ZDHHC14: variants seen among roughly 807,000 people sequenced by gnomAD.
ZDHHC14 encodes palmitoyltransferase ZDHHC14.
ZDHHC14 carries 16 observed loss-of-function variants against 47.7 expected under a neutral mutation model. The observed-to-expected ratio is 0.34, with a 90% CI of 0.23 to 0.51. The LOEUF (loss-of-function observed/expected upper bound fraction) is 0.51. ZDHHC14 is among the 20% of genes least tolerant of loss of function. The pLI is 0.97. For missense variants in ZDHHC14, 515 were observed against 662.5 expected (o/e 0.78, Z 2.44); for synonymous variants, 293 against 278.9 (o/e 1.05, Z -0.50).
At chr6:157,424,775 A>G (rs1266955646) in intron 1 of ZDHHC14, among the ~76,000 whole-genome samples, 1 of 152,056 alleles carries the variant, frequency 6.6e-6, no homozygotes, top group East Asian at 1.9e-4. Context: ...CCCCTATCCA[A>G]TCAATCACAA....
intron 4 of ZDHHC14, chr6:157,628,721 G>C: frequency 1.9e-6 from 1 of 516,432 alleles, no homozygotes; most frequent in Non-Finnish European, 3.4e-6. Flanking sequence ...CTTTCCAGGG[G>C]TCGCACCTAG....
chr6:157,493,698 G>T (rs1356865903), intron 1 of ZDHHC14, among the ~76,000 whole-genome samples: 2 of 152,254 alleles, frequency 1.3e-5, no homozygotes, highest in Non-Finnish European at 2.9e-5. Flanking sequence ...TGTCCTGAGG[G>T]TCTCAGGCAT....
intron 8 of ZDHHC14, 55 bp from the exon 9 acceptor site, chr6:157,672,669 C>T (rs992036653): frequency 1.3e-6 from 2 of 1,551,826 alleles, no homozygotes; most frequent in Non-Finnish European, 1.8e-6. Context: ...CTGTCCCTCC[C>T]CACCTCTGCC....
chr6:157,632,964 T>C (rs1273447669), intron 5 of ZDHHC14, 82 bp downstream of exon 5: 5 of 1,433,868 alleles, frequency 3.5e-6, no homozygotes, highest in Non-Finnish European at 4.9e-6. Context: ...CCTCCTCATC[T>C]TCTGCCCCGG....
intron 1 of ZDHHC14, among the ~76,000 whole-genome samples, chr6:157,413,504 A>G (rs2114760531): frequency 6.6e-6 from 1 of 152,034 alleles, no homozygotes; most frequent in Admixed American, 6.6e-5. Flanking sequence ...TTTTAAAATT[A>G]CCTGAAATAG....
At chr6:157,545,638 C>A (rs962446019) in intron 2 of ZDHHC14, among the ~76,000 whole-genome samples, 3 of 151,584 alleles carry the variant, frequency 2.0e-5, no homozygotes. Flanking sequence ...CACGCCACTG[C>A]ACACCAGCCT....
chr6:157,565,237 C>T (rs1024380583), intron 2 of ZDHHC14, among the ~76,000 whole-genome samples: 3 of 151,904 alleles, frequency 2.0e-5, no homozygotes, highest in Non-Finnish European at 4.4e-5. Context: ...AAGAGTGAGA[C>T]CTTATCTCCA....
In ZDHHC14 at chr6:157,626,896, G is replaced by GC. The variant is rs1236922487; in HGVS notation, c.566-1453_566-1452insC. Among the ~76,000 whole-genome samples the GC allele has an allele frequency of 2.0e-5, 3 of 149,992 alleles. No homozygotes were observed. The East Asian group carries it at 6.2e-4, about 31-fold the overall frequency. On this transcript the variant is annotated intron_variant, in intron 3 of 8. Transcript: ENST00000359775. ...CAGGGTTTGCTTTTCCAGCTGGGGG[G>GC]GGGGCGGCGGGGGCAGCAACACATG...
At chr6:157,580,609 A>G (rs1424807947) in intron 2 of ZDHHC14, among the ~76,000 whole-genome samples, 2 of 152,012 alleles carry the variant, frequency 1.3e-5, no homozygotes, top group Non-Finnish European at 2.9e-5. Flanking sequence ...TTCCTGGTTC[A>G]GTCTTTGGAG....
At chr6:157,507,428 C>T (rs1255001145) in intron 1 of ZDHHC14, among the ~76,000 whole-genome samples, 1 of 151,972 alleles carries the variant, frequency 6.6e-6, no homozygotes, top group East Asian at 1.9e-4. Context: ...GGATTACAGG[C>T]ACGCCACCAC....
chr6:157,482,476 A>G (rs1274916906), intron 1 of ZDHHC14, among the ~76,000 whole-genome samples: 4 of 150,660 alleles, frequency 2.7e-5, no homozygotes, highest in Non-Finnish European at 4.4e-5. Flanking sequence ...GTGGTCTCGA[A>G]CTCCTGACCT....
At chr6:157,387,536 T>C (rs1413314373) in intron 1 of ZDHHC14, among the ~76,000 whole-genome samples, 1 of 152,214 alleles carries the variant, frequency 6.6e-6, no homozygotes, top group African/African-American at 2.4e-5. Flanking sequence ...ACCATGGGGT[T>C]GATACAGACA....
At chr6:157,555,949 G>A (rs1387827224) in intron 2 of ZDHHC14, among the ~76,000 whole-genome samples, 1 of 152,192 alleles carries the variant, frequency 6.6e-6, no homozygotes, top group East Asian at 1.9e-4. Context: ...GATCAGGAGG[G>A]ATTAATCACG....
intron 8 of ZDHHC14, among the ~76,000 whole-genome samples, chr6:157,655,630 G>A (rs1052413086): frequency 5.3e-5 from 8 of 152,182 alleles, no homozygotes; most frequent in African/African-American, 1.4e-4. Flanking sequence ...ACTCTACCTG[G>A]GTTCCCTCTG....
At chr6:157,572,984 G>A (rs1783159011) in intron 2 of ZDHHC14, among the ~76,000 whole-genome samples, 1 of 151,982 alleles carries the variant, frequency 6.6e-6, no homozygotes, top group Non-Finnish European at 1.5e-5. Context: ...TCCTACAAAT[G>A]CCTTCTTCTT....
At chr6:157,421,663 AG>A (rs1393571190) in intron 1 of ZDHHC14, among the ~76,000 whole-genome samples, 1 of 151,792 alleles carries the variant, frequency 6.6e-6, no homozygotes, top group Non-Finnish European at 1.5e-5. Flanking sequence ...GCTGGAATGC[AG>A]TGGCACAATC....
At chr6:157,580,134 C>T (rs918840350) in intron 2 of ZDHHC14, among the ~76,000 whole-genome samples, 1 of 152,120 alleles carries the variant, frequency 6.6e-6, no homozygotes, top group East Asian at 1.9e-4. Flanking sequence ...TTTATTTCTG[C>T]ACCTATTGAG....
chr6:157,590,035 C>CTGG (rs1310975378), intron 2 of ZDHHC14, among the ~76,000 whole-genome samples: 1 of 152,178 alleles, frequency 6.6e-6, no homozygotes, highest in Non-Finnish European at 1.5e-5. Context: ...AGCAAAGAGA[C>CTGG]TGGTGGCATT....
rs367617631 is a variant in ZDHHC14 at position 157,672,847 on chromosome 6, G to A, written c.1192G>A (p.Gly398Ser). The change falls in exon 9 of 9, where the codon GGC becomes AGC. Residue 398 changes from glycine to serine, a missense_variant. By Grantham distance (56) the Gly-to-Ser change is moderately conservative (BLOSUM62 0). Around this residue, in one of 4 missense-constraint regions of ZDHHC14, gnomAD observed 221 missense variants for 233.6 expected, o/e 0.95. Transcript: ENST00000359775. ...ELHLPGKPGLGTPCASLTLGP... is the reference protein window; with the variant it reads ...ELHLPGKPGLSTPCASLTLGP... ...GCACCTGCCCGGGAAGCCTGGCCTG[G>A]GCACGCCCTGCGCCAGCCTCACACT... The A allele has an allele frequency of 3.7e-6, 6 of 1,610,316 alleles. No homozygotes were observed. Among genetic ancestry groups the A allele is most frequent in the East Asian group, 4.5e-5 (2 of 44,792 alleles).
Sources: allele counts gnomAD v4.1 joint callset (sites outside exome capture counted in the v4.1 genomes callset), GRCh38; gene constraint gnomAD v4.1.1; regional missense constraint gnomAD v4.1.1; transcripts MANE v1.5; gene names NCBI Gene and HGNC (gene_info 2026-07-23, HGNC 2026-07-21).